The following CSMD1 variants were observed in gnomAD, a reference collection of about 807,000 sequenced individuals.
CSMD1 encodes CUB and Sushi multiple domains 1.
A neutral mutation model predicts 417.5 loss-of-function variants in CSMD1; 213 were observed. The observed-to-expected ratio is 0.51, with a 90% CI of 0.46 to 0.57. The LOEUF is 0.57. Ranked by LOEUF, CSMD1 falls within the 20% of genes least tolerant of loss-of-function variation. CSMD1 has a pLI of 0.00. For synonymous variants in CSMD1, 2,862 were observed against 1,736.8 expected (o/e 1.65, Z -16.11); for missense variants, 6,923 against 4,529.7 (o/e 1.53, Z -15.17).
At chr8:4,971,636 G>T (rs545259592) in intron 1 of CSMD1, among the ~76,000 whole-genome samples, 1 of 151,460 alleles carries the variant, frequency 6.6e-6, no homozygotes, top group African/African-American at 2.4e-5. Context: ...GCATCAAAAT[G>T]TATAGTCTTA....
chr8:4,688,277 TAATG>T (rs972733586), intron 1 of CSMD1, among the ~76,000 whole-genome samples: 17 of 152,258 alleles, frequency 1.1e-4, no homozygotes, highest in African/African-American at 3.9e-4. Context: ...TGATCTAACA[TAATG>T]AATCTATGTC....
intron 3 of CSMD1, among the ~76,000 whole-genome samples, chr8:4,081,425 C>T (rs922510368): frequency 1.3e-5 from 2 of 152,134 alleles, no homozygotes; most frequent in South Asian, 4.1e-4. Context: ...CTCCTTTTTG[C>T]CTTGGATCAC....
At chr8:4,936,560 T>C (rs1203909674) in intron 1 of CSMD1, among the ~76,000 whole-genome samples, 1 of 152,210 alleles carries the variant, frequency 6.6e-6, no homozygotes. Context: ...TAGAAATTCA[T>C]AAGCATTTTA....
At position 3,096,870 on chromosome 8, in the gene CSMD1, C is replaced by A; in HGVS notation, c.7117G>T (p.Asp2373Tyr). ...VDTFQSEKQF[D>Y]ALEVFDGSSG... ...TTACCATCAAACACTTCCAGTGCAT[C>A]AAACTGCTTTTCACTTTGAAATGTG... Residue 2373 changes from aspartate (D) to tyrosine (Y), a missense_variant, in exon 47 of 70, where the codon GAT becomes TAT. By Grantham distance (160) the Asp-to-Tyr change is radical. Transcript: ENST00000635120. 6.4e-7 allele frequency: 1 copy of A among 1,555,252 alleles called. No individual in the cohort carries two copies. Among genetic ancestry groups the A allele is most frequent in the South Asian group, 1.2e-5 (1 of 84,120 alleles).
At chr8:4,648,806 C>T (rs1324225294) in intron 1 of CSMD1, among the ~76,000 whole-genome samples, 1 of 152,150 alleles carries the variant, frequency 6.6e-6, no homozygotes, top group African/African-American at 2.4e-5. Context: ...GATGCCACCC[C>T]ACCACTTGTC....
intron 5 of CSMD1, among the ~76,000 whole-genome samples, chr8:3,880,802 T>G (rs13276382): frequency 6.6e-6 from 1 of 152,006 alleles, no homozygotes; most frequent in African/African-American, 2.4e-5. Flanking sequence ...TTTAGATGGT[T>G]GGTTATAAAG....
At chr8:4,529,720 TG>T (rs1032683514) in intron 2 of CSMD1, among the ~76,000 whole-genome samples, 187 of 152,176 alleles carry the variant, frequency 1.2e-3, no homozygotes, top group African/African-American at 4.4e-3. Flanking sequence ...AATCCTACTA[TG>T]GGGTTCTTAC....
chr8:3,403,437 T>G (rs1024647012), intron 15 of CSMD1, among the ~76,000 whole-genome samples: 1 of 152,162 alleles, frequency 6.6e-6, no homozygotes, highest in Non-Finnish European at 1.5e-5. Flanking sequence ...CTGCACTCAG[T>G]CATTAGGTTT....
At chr8:3,705,678 G>A (rs552416784) in intron 7 of CSMD1, among the ~76,000 whole-genome samples, 1 of 152,292 alleles carries the variant, frequency 6.6e-6, no homozygotes, top group African/African-American at 2.4e-5. Flanking sequence ...TAAATCTTCT[G>A]TCATATCCGC....
intron 3 of CSMD1, among the ~76,000 whole-genome samples, chr8:4,332,050 TTTATC>T (rs1799896572): frequency 6.6e-6 from 1 of 152,152 alleles, no homozygotes. Flanking sequence ...GTTTTTATTT[TTTATC>T]TTATCAGTTT....
At chr8:3,990,874 C>G (rs1045064447) in intron 5 of CSMD1, among the ~76,000 whole-genome samples, 14 of 152,114 alleles carry the variant, frequency 9.2e-5, no homozygotes, top group Non-Finnish European at 5.9e-5. Context: ...AGAGAGCCAC[C>G]TTCTTTGCTC....
At chr8:4,221,731 A>G (rs1451267156) in intron 3 of CSMD1, among the ~76,000 whole-genome samples, 1 of 152,200 alleles carries the variant, frequency 6.6e-6, no homozygotes, top group Non-Finnish European at 1.5e-5. Flanking sequence ...ATGCTCAATT[A>G]GACTATGGGA....
At chr8:4,635,850 G>C (rs1401609767) in intron 2 of CSMD1, among the ~76,000 whole-genome samples, 1 of 151,946 alleles carries the variant, frequency 6.6e-6, no homozygotes, top group East Asian at 1.9e-4. Context: ...AAAGGACAGA[G>C]GAAAGCTTAC....
intron 5 of CSMD1, among the ~76,000 whole-genome samples, chr8:3,962,130 T>G (rs991845956): frequency 6.6e-6 from 1 of 152,132 alleles, no homozygotes; most frequent in African/African-American, 2.4e-5. Flanking sequence ...TCTTTCTGTG[T>G]CCAGCCCACA....
intron 2 of CSMD1, among the ~76,000 whole-genome samples, chr8:4,530,314 C>CTTTTTTTTTTTTTTTTTTTTTTTT (rs759268228): frequency 2.1e-5 from 1 of 46,658 alleles, no homozygotes; most frequent in Non-Finnish European, 3.7e-5. Context: ...ACAGGTAGTG[C>CTTTTTTTTTTTTTTTTTTTTTTTT]TTTTTTTTTT....
At chr8:4,061,100 C>A (rs1348799066) in intron 3 of CSMD1, among the ~76,000 whole-genome samples, 1 of 152,128 alleles carries the variant, frequency 6.6e-6, no homozygotes, top group East Asian at 1.9e-4. Context: ...TTGTTGATAT[C>A]TTATGGAGAA....
At chr8:4,115,375 C>G (rs1802078978) in intron 3 of CSMD1, among the ~76,000 whole-genome samples, 3 of 152,160 alleles carry the variant, frequency 2.0e-5, no homozygotes, top group Admixed American at 1.3e-4. Context: ...CTACTGTGTA[C>G]ACATAATTTT....
At chr8:4,228,304 T>C (rs1801487474) in intron 3 of CSMD1, among the ~76,000 whole-genome samples, 1 of 152,198 alleles carries the variant, frequency 6.6e-6, no homozygotes, top group Admixed American at 6.5e-5. Context: ...AGTAAAACTC[T>C]TTGAAATAGG....
intron 3 of CSMD1, among the ~76,000 whole-genome samples, chr8:4,300,220 T>C (rs1365721046): frequency 3.9e-5 from 6 of 152,230 alleles, no homozygotes; most frequent in African/African-American, 1.2e-4. Flanking sequence ...ATGTTCAGTT[T>C]TGATAATGTA....
Sources: gnomAD v4.1 joint callset for allele counts (sites outside exome capture counted in the v4.1 genomes callset) on GRCh38, gnomAD v4.1.1 for gene constraint, MANE v1.5 for transcripts, NCBI Gene and HGNC (gene_info 2026-07-23, HGNC 2026-07-21) for gene names.